The following SPHKAP variants were observed in gnomAD, a reference collection of about 807,000 sequenced individuals.
SPHKAP encodes the protein SPHK1 interactor, AKAP domain containing.
In SPHKAP, 67 loss-of-function variants were observed where a neutral mutation model predicts 137.5. The ratio of observed to expected loss-of-function variants is 0.49; its 90% CI spans 0.40 to 0.60. The LOEUF is 0.60. Among genes scored for constraint, SPHKAP ranks in the 20% least tolerant of loss-of-function variants. The pLI is 0.00. For missense variants in SPHKAP, 2,097 were observed against 2,069.3 expected (o/e 1.01, Z -0.26); for synonymous variants, 813 against 785.3 (o/e 1.04, Z -0.59).
rs140238079 is a variant in SPHKAP, at chr2:228,088,267, T to C, written c.246+20565A>G. On this transcript the variant is annotated intron_variant, in intron 3 of 11. Coordinates refer to ENST00000392056, the MANE Select transcript of SPHKAP (RefSeq NM_001142644.2). ...GTTGAATTTGGAATATATATAGATG[T>C]AGTATTAATAACATTAAAAACACAT... is the stretch of plus-strand genomic sequence containing the variant. Among the ~76,000 whole-genome samples, 615 of 152,308 alleles carry C rather than the reference T, an allele frequency of 4.0e-3. 6 individuals carry two copies. Among genetic ancestry groups the C allele is most frequent in the African/African-American group, 0.014 (585 of 41,586 alleles).
intron 7 of SPHKAP, among the ~76,000 whole-genome samples, chr2:228,004,039 C>T (rs1410165552): frequency 6.6e-6 from 1 of 152,202 alleles, no homozygotes; most frequent in Non-Finnish European, 1.5e-5. Context: ...CATTATGTCT[C>T]TGCCAGGCTT....
At chr2:228,062,613 A>AAAAT (rs1696690593) in intron 3 of SPHKAP, among the ~76,000 whole-genome samples, 1 of 152,186 alleles carries the variant, frequency 6.6e-6, no homozygotes, top group Admixed American at 6.5e-5. Context: ...TGGAAAAAAA[A>AAAAT]AATAAAATGC....
intron 2 of SPHKAP, among the ~76,000 whole-genome samples, chr2:228,119,497 A>T (rs1484062816): frequency 7.5e-6 from 1 of 133,512 alleles, no homozygotes; most frequent in African/African-American, 2.7e-5. Flanking sequence ...TCTCTCTCTC[A>T]TGCTGGACTA....
intron 1 of SPHKAP, among the ~76,000 whole-genome samples, chr2:228,170,823 A>G (rs929188619): frequency 6.6e-6 from 1 of 152,126 alleles, no homozygotes; most frequent in Non-Finnish European, 1.5e-5. Context: ...TCGCTGGGGT[A>G]TATCTCCTTT....
At chr2:228,115,024 T>G (rs1698659541) in intron 2 of SPHKAP, among the ~76,000 whole-genome samples, 1 of 152,132 alleles carries the variant, frequency 6.6e-6, no homozygotes, top group Admixed American at 6.6e-5. Flanking sequence ...GACTAGAGCG[T>G]TGAAAGGTGG....
intron 7 of SPHKAP, among the ~76,000 whole-genome samples, chr2:228,003,718 T>C (rs1268668160): frequency 6.6e-6 from 1 of 152,226 alleles, no homozygotes; most frequent in Non-Finnish European, 1.5e-5. Context: ...ATAGCCCTTA[T>C]TATTTTTAGA....
At chr2:228,132,546 T>A (rs1192310720) in intron 1 of SPHKAP, 5 of 899,494 alleles carry the variant, frequency 5.6e-6, no homozygotes, top group Non-Finnish European at 6.7e-6. Context: ...AAATGTGGAC[T>A]TTAGAAAATG....
chr2:228,097,971 C>A lies in SPHKAP; in HGVS notation c.246+10861G>T, dbSNP rs567029274. Among the ~76,000 whole-genome samples the A allele has an allele frequency of 3.3e-5, 5 of 152,024 alleles. No homozygotes were observed. In the South Asian group the frequency reaches 1.0e-3, roughly 32 times the overall value. On this transcript the variant is annotated intron_variant, in intron 3 of 11. Coordinates refer to ENST00000392056, the MANE Select transcript of SPHKAP (RefSeq NM_001142644.2). ...GAGTACATGTGTCTTTTTGATAGAA[C>A]GATCTATATTCCTTTGTGTATATAC... is the stretch of plus-strand genomic sequence containing the variant.
chr2:228,131,351 A>G (rs1177110268), intron 2 of SPHKAP: 4 of 974,466 alleles, frequency 4.1e-6, no homozygotes, highest in African/African-American at 1.8e-5. Flanking sequence ...AAAGCATTAG[A>G]TGGGGAACCA....
chr2:228,002,980 A>G (rs1186022190), intron 7 of SPHKAP, among the ~76,000 whole-genome samples: 1 of 151,452 alleles, frequency 6.6e-6, no homozygotes, highest in African/African-American at 2.4e-5. Flanking sequence ...GCCTTGTAGT[A>G]TAGTTTGAAG....
At chr2:228,117,602 T>A (rs1698753103) in intron 2 of SPHKAP, among the ~76,000 whole-genome samples, 1 of 152,174 alleles carries the variant, frequency 6.6e-6, no homozygotes, top group South Asian at 2.1e-4. Context: ...TAATGACATC[T>A]TTACTCCAGG....
chr2:228,100,284 A>C (rs1698149461), intron 3 of SPHKAP, among the ~76,000 whole-genome samples: 1 of 152,172 alleles, frequency 6.6e-6, no homozygotes, highest in Admixed American at 6.5e-5. Flanking sequence ...AGTGAAGAAA[A>C]ATAGTTTGAC....
chr2:228,045,714 A>G lies in SPHKAP; in HGVS notation c.247-18171T>C, dbSNP rs201156255. Among the ~76,000 whole-genome samples the G allele has an allele frequency of 5.3e-5, 8 of 152,112 alleles. No individual in the cohort carries two copies. The East Asian group carries it at 9.7e-4, about 18-fold the overall frequency. On this transcript the variant is annotated intron_variant, in intron 3 of 11. Transcript: ENST00000392056. Reference sequence around the variant, plus strand: ...ATATACATATGTAACAAACCTGCACATTGTGCACACGTACCCTAAAACTTA... The same window carrying G: ...ATATACATATGTAACAAACCTGCACGTTGTGCACACGTACCCTAAAACTTA...
intron 3 of SPHKAP, among the ~76,000 whole-genome samples, chr2:228,047,644 G>T (rs911483175): frequency 6.6e-6 from 1 of 152,028 alleles, no homozygotes; most frequent in Admixed American, 6.6e-5. Flanking sequence ...TCCCTTTAAA[G>T]AACACTTAAG....
chr2:227,984,048 C>T, intron 11 of SPHKAP, among the ~76,000 whole-genome samples: 1 of 152,068 alleles, frequency 6.6e-6, no homozygotes, highest in Non-Finnish European at 1.5e-5. Context: ...CGCCTGTAAT[C>T]CTGGCACTTT....
intron 3 of SPHKAP, among the ~76,000 whole-genome samples, chr2:228,095,087 A>G (rs1697937736): frequency 6.6e-6 from 1 of 152,194 alleles, no homozygotes; most frequent in East Asian, 1.9e-4. Context: ...AGGATTATAG[A>G]TTGGAAAAAC....
At chr2:228,071,833 G>A (rs1559158078) in intron 3 of SPHKAP, among the ~76,000 whole-genome samples, 1 of 152,010 alleles carries the variant, frequency 6.6e-6, no homozygotes, top group Non-Finnish European at 1.5e-5. Context: ...ATGCCAGTTA[G>A]CTAAAGAATC....
intron 1 of SPHKAP, among the ~76,000 whole-genome samples, chr2:228,147,111 A>G (rs1169807485): frequency 1.3e-5 from 2 of 152,230 alleles, no homozygotes; most frequent in South Asian, 2.1e-4. Flanking sequence ...CTGATTCACT[A>G]TTGAACTCCA....
chr2:228,122,980 C>T (rs2106364992), intron 2 of SPHKAP, among the ~76,000 whole-genome samples: 1 of 152,230 alleles, frequency 6.6e-6, no homozygotes. Context: ...TCCTGTTCAG[C>T]CCTTACGGCC....
Sources: gnomAD v4.1 joint callset for allele counts (sites outside exome capture counted in the v4.1 genomes callset) on GRCh38, gnomAD v4.1.1 for gene constraint, MANE v1.5 for transcripts, NCBI Gene and HGNC (gene_info 2026-07-23, HGNC 2026-07-21) for gene names.